CHAF1B: variants seen among roughly 807,000 people sequenced by gnomAD.
The protein encoded by CHAF1B is CAF-1 subunit B.
CHAF1B carries 10 observed loss-of-function variants against 60.7 expected under a neutral mutation model. The ratio of observed to expected loss-of-function variants is 0.16; its 90% CI spans 0.10 to 0.28. The LOEUF (loss-of-function observed/expected upper bound fraction) is 0.28. Among genes scored for constraint, CHAF1B ranks in the 10% least tolerant of loss-of-function variants. The pLI is 1.00. For missense variants in CHAF1B, 558 were observed against 708.4 expected, an observed-to-expected ratio of 0.79 and a Z score of 2.41; for synonymous variants, 261 against 266.1, an observed-to-expected ratio of 0.98 and a Z score of 0.19.
intron 12 of CHAF1B, among the ~76,000 whole-genome samples, chr21:36,414,654 C>T (rs145472084): frequency 1.3e-5 from 2 of 152,014 alleles, no homozygotes; most frequent in African/African-American, 2.4e-5. Context: ...CTCTGTTGCC[C>T]GGGCTGGAGT....
intron 10 of CHAF1B, among the ~76,000 whole-genome samples, chr21:36,410,850 A>G (rs1402991444): frequency 6.6e-6 from 1 of 151,536 alleles, no homozygotes; most frequent in Non-Finnish European, 1.5e-5. Flanking sequence ...TAGTAGAGGC[A>G]GGGTTTTGCC....
chr21:36,411,669 C>T (rs963843575), intron 11 of CHAF1B, 65 bp downstream of exon 11: 28 of 1,574,414 alleles, frequency 1.8e-5, no homozygotes, highest in Middle Eastern at 1.7e-4. Flanking sequence ...GAAGACACCC[C>T]GGGGTTAGGG....
At chr21:36,403,171 C>A (rs999285992) in intron 8 of CHAF1B, among the ~76,000 whole-genome samples, 1 of 151,886 alleles carries the variant, frequency 6.6e-6, no homozygotes, top group African/African-American at 2.4e-5. Context: ...ATAAATTTAA[C>A]TTTTGGCTGG....
In CHAF1B at chr21:36,402,854, G is replaced by A; in HGVS notation, c.757+3G>A. 6.2e-7 allele frequency: 1 copy of A among 1,611,496 alleles called. No individual in the cohort carries two copies. The highest frequency in any genetic ancestry group is 8.5e-7 in the Non-Finnish European group (1 of 1,178,012). On this transcript the variant is annotated splice_donor_region_variant and intron_variant, in intron 8 of 13. Transcript: ENST00000314103. Reference sequence around the variant, plus strand: ...CGGATCTTTGCTTCTCACGCCAGGTGTGTTTCGTAGCTTTGGACTTAAAGG... The same window carrying A: ...CGGATCTTTGCTTCTCACGCCAGGTATGTTTCGTAGCTTTGGACTTAAAGG...
chr21:36,397,411 G>T lies in CHAF1B; in HGVS notation c.482-4G>T. ...TGGTGCGTGTGTGTGTGTTTTTTTT[G>T]TAGGACAAAAGATATCAATTTTTAA... On this transcript the variant is annotated splice_polypyrimidine_tract_variant and splice_region_variant and intron_variant, in intron 5 of 13. Coordinates refer to ENST00000314103, the MANE Select transcript of CHAF1B (RefSeq NM_005441.3). 6.7e-7 allele frequency: 1 copy of T among 1,490,350 alleles called. No homozygotes were observed. The highest frequency in any genetic ancestry group is 1.9e-5 in the Admixed American group (1 of 51,636). 92.3% of individuals were successfully genotyped at this position (1,490,350 alleles called of 1,614,324 possible). A position where few individuals can be genotyped will look rare whatever the true frequency, so the allele number is the denominator to read the frequency against.
intron 4 of CHAF1B, among the ~76,000 whole-genome samples, chr21:36,393,100 C>T (rs907030938): frequency 6.6e-6 from 1 of 152,190 alleles, no homozygotes; most frequent in Non-Finnish European, 1.5e-5. Flanking sequence ...CAATCCCAGG[C>T]ACTCGGCAGG....
intron 7 of CHAF1B, among the ~76,000 whole-genome samples, chr21:36,401,016 C>CA (rs1019949631): frequency 1.3e-5 from 2 of 151,938 alleles, no homozygotes; most frequent in African/African-American, 4.8e-5. Flanking sequence ...CCTGTAATCC[C>CA]AGCACTTTGG....
intron 7 of CHAF1B, among the ~76,000 whole-genome samples, chr21:36,399,959 A>G (rs772119946): frequency 2.0e-5 from 3 of 152,222 alleles, no homozygotes; most frequent in Non-Finnish European, 2.9e-5. Flanking sequence ...TGGGCGGATC[A>G]CTTGAGGTCA....
intron 11 of CHAF1B, 63 bp downstream of exon 11, chr21:36,411,667 C>T: frequency 6.3e-7 from 1 of 1,580,630 alleles, no homozygotes; most frequent in African/African-American, 1.3e-5. Context: ...TGGAAGACAC[C>T]CCGGGGTTAG....
intron 4 of CHAF1B, among the ~76,000 whole-genome samples, chr21:36,392,914 T>C (rs998754203): frequency 8.5e-5 from 13 of 152,166 alleles, no homozygotes; most frequent in African/African-American, 2.7e-4. Flanking sequence ...CCCTCCAGCC[T>C]GGGCAACATT....
chr21:36,394,076 G>A (rs1293241326), intron 4 of CHAF1B, among the ~76,000 whole-genome samples: 1 of 147,298 alleles, frequency 6.8e-6, no homozygotes, highest in African/African-American at 2.5e-5. Flanking sequence ...TTTTTTTTTG[G>A]CTAATTTTTT....
intron 11 of CHAF1B, among the ~76,000 whole-genome samples, chr21:36,412,370 T>A (rs1286018273): frequency 6.8e-6 from 1 of 147,734 alleles, no homozygotes; most frequent in African/African-American, 2.5e-5. Flanking sequence ...CAGTGTGAGG[T>A]TTTTTTTTTG....
chr21:36,393,446 C>CTTTTTT (rs748789062), intron 4 of CHAF1B, among the ~76,000 whole-genome samples: 4 of 115,128 alleles, frequency 3.5e-5, no homozygotes, highest in Non-Finnish European at 5.4e-5. Flanking sequence ...TACAGCTATC[C>CTTTTTT]TTTTTTTTTT....
At chr21:36,385,813 C>T (rs1325563277) in intron 1 of CHAF1B, among the ~76,000 whole-genome samples, 15 of 152,126 alleles carry the variant, frequency 9.9e-5, no homozygotes, top group African/African-American at 3.1e-4. Context: ...GTGCAGACGG[C>T]CGGGGCCCCT....
At chr21:36,393,209 CGGGAGAGGGAGAGGGAGACGGTGGA>C (rs1012940862) in intron 4 of CHAF1B, among the ~76,000 whole-genome samples, 11 of 151,848 alleles carry the variant, frequency 7.2e-5, no homozygotes, top group South Asian at 2.1e-4. Context: ...GTGGAGAGAG[CGGGAGAGGGAGAGGGAGACGGTGGA>C]GGGAGAGGGA....
chr21:36,399,407 C>A, intron 6 of CHAF1B, 114 bp from the exon 7 acceptor site: 1 of 828,960 alleles, frequency 1.2e-6, no homozygotes, highest in Middle Eastern at 2.3e-4. Flanking sequence ...TTGGTAAAAG[C>A]TTTTGCAGGC....
At chr21:36,400,316 CAA>C (rs2086176977) in intron 7 of CHAF1B, among the ~76,000 whole-genome samples, 1 of 151,714 alleles carries the variant, frequency 6.6e-6, no homozygotes, top group Admixed American at 6.6e-5. Context: ...CCTGTCTCTA[CAA>C]AAAATATAAA....
At chr21:36,411,393 C>A in intron 10 of CHAF1B, 70 bp from the exon 11 acceptor site, 2 of 1,582,360 alleles carry the variant, frequency 1.3e-6, no homozygotes, top group South Asian at 1.1e-5. Flanking sequence ...GGATTCTAGG[C>A]GTGAGCCATT....
intron 11 of CHAF1B, 69 bp downstream of exon 11, chr21:36,411,673 G>T: frequency 1.3e-6 from 2 of 1,560,150 alleles, no homozygotes; most frequent in South Asian, 1.2e-5. Context: ...ACACCCCGGG[G>T]TTAGGGAGCA....
Sources: allele counts gnomAD v4.1 joint callset (sites outside exome capture counted in the v4.1 genomes callset), GRCh38; gene constraint gnomAD v4.1.1; transcripts MANE v1.5; gene names NCBI Gene and HGNC (gene_info 2026-07-23, HGNC 2026-07-21).